COL13A1: variants seen among roughly 807,000 people sequenced by gnomAD.
COL13A1 encodes collagen type XIII alpha 1 chain.
In COL13A1, 89 loss-of-function variants were observed where a neutral mutation model predicts 130.9. That is an observed-to-expected ratio of 0.68 (90% CI 0.57 to 0.81). The LOEUF (loss-of-function observed/expected upper bound fraction) is 0.81, where lower values mean the gene tolerates loss of function less well. COL13A1 is among the 30% of genes least tolerant of loss of function. COL13A1 has a pLI of 0.00. For synonymous variants in COL13A1, 402 were observed against 341.6 expected (o/e 1.18, Z -1.95); for missense variants, 879 against 934.6 (o/e 0.94, Z 0.78).
intron 1 of COL13A1, among the ~76,000 whole-genome samples, chr10:69,807,582 G>T (rs977947462): frequency 1.3e-5 from 2 of 152,168 alleles, no homozygotes; most frequent in Non-Finnish European, 2.9e-5. Flanking sequence ...CTGTGGATGG[G>T]GTCCTTTAGG....
intron 31 of COL13A1, 74 bp from the exon 32 acceptor site, chr10:69,935,276 C>A: frequency 7.5e-7 from 1 of 1,337,310 alleles, no homozygotes; most frequent in Non-Finnish European, 1.0e-6. Flanking sequence ...GCCTTGCAGT[C>A]TCCAGCTGGG....
In COL13A1 at chr10:69,822,374, G is replaced by A; in HGVS notation, c.300G>A (p.Trp100Ter). ...TTGTCTGTCTCCTTGTACAGAAATGGAAGCTCCACTCAAGGAGGCGCCGGG... is the reference window on the plus strand; with the variant it reads ...TTGTCTGTCTCCTTGTACAGAAATGAAAGCTCCACTCAAGGAGGCGCCGGG... ...GRVNQLLDEK[W>*]KLHSRRRREA... Residue 100 changes from tryptophan (W) to a stop codon, truncating the protein, a stop_gained, in exon 2 of 41, where the codon TGG (tryptophan) becomes TGA (stop). Coordinates refer to ENST00000645393, the MANE Select transcript of COL13A1 (RefSeq NM_001368882.1). LOFTEE classifies it high-confidence loss of function. The A allele has an allele frequency of 5.7e-6, 9 of 1,583,548 alleles. No homozygotes were observed. Among genetic ancestry groups the A allele is most frequent in the Non-Finnish European group, 6.9e-6 (8 of 1,164,918 alleles).
rs1564734218 is a variant in COL13A1, at chr10:69,813,640, TC to T, written c.295-8726del. ...CCTAAGGCACCCCCGTGGCACCCCCTCCCTGTCCCCAGCACACAGGCCCCTG... is the reference window on the plus strand; with the variant it reads ...CCTAAGGCACCCCCGTGGCACCCCCTCCTGTCCCCAGCACACAGGCCCCTG... On this transcript the variant is annotated intron_variant, in intron 1 of 40. Transcript: ENST00000645393. Among the ~76,000 whole-genome samples the T allele has an allele frequency of 4.6e-5, 7 of 152,150 alleles. No individual in the cohort carries two copies. In the South Asian group the frequency reaches 1.5e-3, roughly 32 times the overall value.
chr10:69,867,927 C>T, intron 3 of COL13A1, 122 bp downstream of exon 3: 1 of 672,772 alleles, frequency 1.5e-6, no homozygotes, highest in East Asian at 2.7e-5. Flanking sequence ...CCTATGCAGG[C>T]TCCTGAGGGG....
At chr10:69,858,824 G>A (rs1857181549) in intron 2 of COL13A1, among the ~76,000 whole-genome samples, 1 of 152,218 alleles carries the variant, frequency 6.6e-6, no homozygotes, top group Non-Finnish European at 1.5e-5. Context: ...AGCAATAAAT[G>A]TAAAGGTTAA....
chr10:69,946,430 G>A (rs993352984), intron 37 of COL13A1, among the ~76,000 whole-genome samples: 3 of 152,210 alleles, frequency 2.0e-5, no homozygotes, highest in Admixed American at 1.3e-4. Context: ...TTTCCATCAC[G>A]GCATGCTTTC....
chr10:69,940,170 T>C (rs1189867412), intron 34 of COL13A1, among the ~76,000 whole-genome samples: 1 of 130,516 alleles, frequency 7.7e-6, no homozygotes, highest in African/African-American at 2.8e-5. Flanking sequence ...TGTATTTCAC[T>C]GGACAAGAGC....
At chr10:69,905,034 A>T in intron 16 of COL13A1, 75 bp downstream of exon 16, 1 of 1,490,522 alleles carries the variant, frequency 6.7e-7, no homozygotes, top group Non-Finnish European at 9.1e-7. Context: ...GCAGCACAGA[A>T]GGTGACTGAG....
At chr10:69,910,278 C>A (rs566147521) in intron 17 of COL13A1, among the ~76,000 whole-genome samples, 4 of 152,006 alleles carry the variant, frequency 2.6e-5, no homozygotes, top group Non-Finnish European at 5.9e-5. Context: ...TCCCCTACCA[C>A]CCTGGGGAGG....
chr10:69,917,463 C>A, intron 18 of COL13A1, 130 bp downstream of exon 18: 2 of 796,314 alleles, frequency 2.5e-6, no homozygotes, highest in Middle Eastern at 3.5e-4. Flanking sequence ...CCCTGGTTCT[C>A]CCAGCTGCAG....
At chr10:69,900,783 T>C (rs1462020602) in intron 14 of COL13A1, among the ~76,000 whole-genome samples, 1 of 152,208 alleles carries the variant, frequency 6.6e-6, no homozygotes, top group African/African-American at 2.4e-5. Context: ...TTGGAAAGAA[T>C]AGGGAGAGTC....
chr10:69,926,419 C>T (rs922351011), intron 26 of COL13A1, among the ~76,000 whole-genome samples: 8 of 152,148 alleles, frequency 5.3e-5, no homozygotes, highest in Non-Finnish European at 1.0e-4. Context: ...TGTGCAGCAG[C>T]GTCCCCAGTC....
chr10:69,924,019 A>C (rs1589549610), intron 24 of COL13A1, among the ~76,000 whole-genome samples, 164 bp downstream of exon 24: 1 of 152,216 alleles, frequency 6.6e-6, no homozygotes, highest in African/African-American at 2.4e-5. Context: ...AGAGCCATGC[A>C]CTGAGACAGC....
At chr10:69,910,743 G>C (rs904309311) in intron 17 of COL13A1, among the ~76,000 whole-genome samples, 1 of 152,238 alleles carries the variant, frequency 6.6e-6, no homozygotes, top group Non-Finnish European at 1.5e-5. Context: ...GATGCAAAGC[G>C]TGTTTAAAAC....
intron 31 of COL13A1, among the ~76,000 whole-genome samples, chr10:69,933,123 G>A (rs1401012988): frequency 9.1e-5 from 9 of 99,160 alleles, no homozygotes; most frequent in African/African-American, 3.3e-4. Flanking sequence ...GCAACAGAGT[G>A]AGACTCTGCC....
intron 2 of COL13A1, among the ~76,000 whole-genome samples, chr10:69,856,770 G>A (rs769113978): frequency 1.1e-4 from 16 of 152,212 alleles, no homozygotes; most frequent in Non-Finnish European, 1.5e-4. Flanking sequence ...GGGGCTGGGG[G>A]TGGAGCAGGA....
intron 23 of COL13A1, among the ~76,000 whole-genome samples, chr10:69,923,444 C>T (rs2064941781): frequency 1.3e-5 from 2 of 152,218 alleles, no homozygotes; most frequent in Non-Finnish European, 2.9e-5. Context: ...AGAAGGAAAG[C>T]ATGAATTACT....
At chr10:69,867,192 G>A (rs907538635) in intron 2 of COL13A1, among the ~76,000 whole-genome samples, 4 of 152,214 alleles carry the variant, frequency 2.6e-5, no homozygotes, top group Admixed American at 6.5e-5. Flanking sequence ...ATGGAGGAGG[G>A]TGGGGCCGGA....
intron 7 of COL13A1, among the ~76,000 whole-genome samples, chr10:69,886,056 G>A (rs1434259893): frequency 6.6e-6 from 1 of 152,188 alleles, no homozygotes; most frequent in Non-Finnish European, 1.5e-5. Flanking sequence ...GCAGCCTGGA[G>A]ATGTTTTAGG....
Sources: allele counts gnomAD v4.1 joint callset (sites outside exome capture counted in the v4.1 genomes callset), GRCh38; gene constraint gnomAD v4.1.1; transcripts MANE v1.5; gene names NCBI Gene and HGNC (gene_info 2026-07-23, HGNC 2026-07-21).